The following RNF220 variants were observed in gnomAD, a reference collection of about 807,000 sequenced individuals.
RNF220 encodes E3 ubiquitin-protein ligase RNF220.
A neutral mutation model predicts 67.1 loss-of-function variants in RNF220; 7 were observed. The observed-to-expected ratio is 0.10, with a 90% CI of 0.06 to 0.20. The LOEUF (loss-of-function observed/expected upper bound fraction) is 0.20. RNF220 is among the 10% of genes least tolerant of loss of function. The pLI is 1.00. For missense variants in RNF220, 565 were observed against 740.3 expected (o/e 0.76, Z 2.75); for synonymous variants, 270 against 283.2 (o/e 0.95, Z 0.47).
At position 44,650,404 on chromosome 1, in the gene RNF220, C is replaced by T; in HGVS notation, c.1630-300C>T. ...AAAGGCTCGGACGTGGGCTCTGTGT[C>T]CTGATCAAAGGCCGCGTGTAATCTC... On this transcript the variant is annotated intron_variant, in intron 14 of 14. Transcript: ENST00000361799. This position sits in a 1 kb window ranked among gnomAD's most constrained non-coding sequence, Gnocchi z 4.3. 1 of 513,474 alleles carries T rather than the reference C, an allele frequency of 1.9e-6. No homozygotes were observed. The highest frequency in any genetic ancestry group is 3.5e-6 in the Non-Finnish European group (1 of 282,282). 31.8% of individuals were successfully genotyped at this position (513,474 alleles called of 1,614,324 possible).
At chr1:44,637,249 A>C (rs562204224) in intron 8 of RNF220, among the ~76,000 whole-genome samples, 1 of 152,204 alleles carries the variant, frequency 6.6e-6, no homozygotes, top group African/African-American at 2.4e-5. Context: ...CAGATGAGAC[A>C]TTATGCCTCT....
chr1:44,531,919 A>G (rs935258218), intron 2 of RNF220, among the ~76,000 whole-genome samples: 3 of 152,316 alleles, frequency 2.0e-5, no homozygotes, highest in Admixed American at 1.3e-4. Context: ...TAGGGGACAT[A>G]CAAGAATCAG....
chr1:44,505,546 G>A (rs776132092), intron 2 of RNF220, among the ~76,000 whole-genome samples: 104 of 152,204 alleles, frequency 6.8e-4, no homozygotes, highest in Non-Finnish European at 7.6e-4. Flanking sequence ...TGGACTGCTC[G>A]CTTGCCTGAG....
At chr1:44,435,141 G>A (rs183543957) in intron 2 of RNF220, among the ~76,000 whole-genome samples, 96 of 152,006 alleles carry the variant, frequency 6.3e-4, no homozygotes, top group African/African-American at 2.3e-3. Context: ...TTTATAAAAC[G>A]TGAAGTGCCT....
intron 8 of RNF220, among the ~76,000 whole-genome samples, chr1:44,639,914 C>T (rs534220769): frequency 5.3e-5 from 8 of 152,314 alleles, no homozygotes; most frequent in South Asian, 2.1e-4. Flanking sequence ...CTCAGCCTCC[C>T]GAGTAGCTGG....
At chr1:44,545,311 G>T (rs564174132) in intron 2 of RNF220, among the ~76,000 whole-genome samples, 3 of 152,148 alleles carry the variant, frequency 2.0e-5, no homozygotes, top group African/African-American at 7.2e-5. Context: ...TTGAAGGGAG[G>T]TTTGAAAGGA....
chr1:44,455,360 G>A (rs1653072407), intron 2 of RNF220, among the ~76,000 whole-genome samples: 1 of 152,132 alleles, frequency 6.6e-6, no homozygotes, highest in Non-Finnish European at 1.5e-5. Flanking sequence ...AGAGGAAAAC[G>A]GAGAGCAAAA....
intron 2 of RNF220, among the ~76,000 whole-genome samples, chr1:44,538,258 C>T (rs190505069): frequency 6.6e-6 from 1 of 152,326 alleles, no homozygotes; most frequent in East Asian, 1.9e-4. Flanking sequence ...TCTGTATCTA[C>T]TTACCTTTCT....
intron 1 of RNF220, among the ~76,000 whole-genome samples, chr1:44,407,755 C>T (rs888870475): frequency 6.6e-6 from 1 of 152,178 alleles, no homozygotes; most frequent in Admixed American, 6.5e-5. Context: ...CAGCCCCGCG[C>T]CGGTCCGTAT....
At chr1:44,536,774 C>G (rs543969361) in intron 2 of RNF220, among the ~76,000 whole-genome samples, 1 of 152,246 alleles carries the variant, frequency 6.6e-6, no homozygotes, top group South Asian at 2.1e-4. Flanking sequence ...GTGATAAATC[C>G]GCCTGCAGAT....
intron 2 of RNF220, among the ~76,000 whole-genome samples, chr1:44,570,758 C>T (rs1419568448): frequency 6.6e-6 from 1 of 152,168 alleles, no homozygotes; most frequent in Non-Finnish European, 1.5e-5. Flanking sequence ...ATTCTTTGCA[C>T]AGCAGCCAAA....
Position 44,633,006 on chromosome 1 carries a change from G to A in RNF220, c.949+621G>A, listed in dbSNP as rs186387098. ...TCAAACCTCTGGAGCATTCCTGTTT[G>A]CTGAATACAATTGAATGATCCTAGC... is the stretch of plus-strand genomic sequence containing the variant. On this transcript the variant is annotated intron_variant, in intron 6 of 14. Transcript: ENST00000361799. 3.2e-3 allele frequency: 487 copies of A among 153,126 alleles called. 3 individuals carry two copies. Among genetic ancestry groups the A allele is most frequent in the Admixed American group, 5.0e-3 (77 of 15,492 alleles). The allele number at this position is 153,126 out of a possible 1,614,324, so 9.5% of individuals were successfully genotyped here.
At chr1:44,498,680 C>T (rs1289558951) in intron 2 of RNF220, among the ~76,000 whole-genome samples, 2 of 152,104 alleles carry the variant, frequency 1.3e-5, no homozygotes, top group East Asian at 3.8e-4. Context: ...CCCTCTATAC[C>T]AGGGATTCTC....
At chr1:44,491,525 C>T (rs890294124) in intron 2 of RNF220, among the ~76,000 whole-genome samples, 1 of 152,022 alleles carries the variant, frequency 6.6e-6, no homozygotes, top group Non-Finnish European at 1.5e-5. Context: ...GCAAAAAAAC[C>T]ATTTCACAAA....
chr1:44,532,364 T>C (rs1430686903), intron 2 of RNF220, among the ~76,000 whole-genome samples: 2 of 152,212 alleles, frequency 1.3e-5, no homozygotes, highest in Non-Finnish European at 2.9e-5. Context: ...TTTTTTTAGA[T>C]AGAAATTCAG....
chr1:44,548,801 A>G (rs905440714), intron 2 of RNF220, among the ~76,000 whole-genome samples: 1 of 152,164 alleles, frequency 6.6e-6, no homozygotes, highest in Non-Finnish European at 1.5e-5. Flanking sequence ...CTCATTCTTT[A>G]AAACCCAGCT....
chr1:44,421,594 TG>T lies in RNF220; in HGVS notation c.625+8879del, dbSNP rs774264474. Reference sequence around the variant, plus strand: ...GAGAAATACAGCAGCAGGACTGAGATGGGGGGGCTGCCTGGGGAGGGATTAG... The same window carrying T: ...GAGAAATACAGCAGCAGGACTGAGATGGGGGGCTGCCTGGGGAGGGATTAG... On this transcript the variant is annotated intron_variant, in intron 2 of 14. Coordinates refer to ENST00000361799, the MANE Select transcript of RNF220 (RefSeq NM_018150.4). Among the ~76,000 whole-genome samples, 25 of 12,656 alleles carry T rather than the reference TG, an allele frequency of 2.0e-3. No individual in the cohort carries two copies. The South Asian group carries it at 0.039, about 20-fold the overall frequency. 8.3% of individuals were successfully genotyped at this position (12,656 alleles called of 152,430 possible). A position where few individuals can be genotyped will look rare whatever the true frequency, so the allele number is the denominator to read the frequency against.
At position 44,650,074 on chromosome 1, in the gene RNF220, G is replaced by A. The variant is rs759552125; in HGVS notation, c.1629+117G>A. ...GGAGCATGGCGCAAAGGAGAACAGAGCCAGGAGCCAGGATATTTACCCGCA... is the reference window on the plus strand; with the variant it reads ...GGAGCATGGCGCAAAGGAGAACAGAACCAGGAGCCAGGATATTTACCCGCA... On this transcript the variant is annotated intron_variant, in intron 14 of 14. Coordinates refer to ENST00000361799, the MANE Select transcript of RNF220 (RefSeq NM_018150.4). The surrounding 1 kb of genome is among the most constrained non-coding windows in gnomAD (Gnocchi z 4.3). 1.9e-6 allele frequency: 2 copies of A among 1,046,706 alleles called. No individual in the cohort carries two copies. Among genetic ancestry groups the A allele is most frequent in the South Asian group, 1.5e-5 (1 of 66,906 alleles). 64.8% of individuals were successfully genotyped at this position (1,046,706 alleles called of 1,614,324 possible).
chr1:44,552,125 A>G (rs1662686391), intron 2 of RNF220, among the ~76,000 whole-genome samples: 2 of 152,340 alleles, frequency 1.3e-5, no homozygotes, highest in Middle Eastern at 3.4e-3. Flanking sequence ...AGACTATTTC[A>G]AAAAGGCTCC....
Sources: allele counts gnomAD v4.1 joint callset (sites outside exome capture counted in the v4.1 genomes callset), GRCh38; gene constraint gnomAD v4.1.1; non-coding constraint Gnocchi (gnomAD v3.1); transcripts MANE v1.5; gene names NCBI Gene and HGNC (gene_info 2026-07-23, HGNC 2026-07-21).